Variants in ZNF76 observed in about 807,000 individuals in gnomAD.
ZNF76 encodes zinc finger protein 76, also known as zinc finger protein 523.
In ZNF76, 66 loss-of-function variants were observed where a neutral mutation model predicts 66.9. The ratio of observed to expected loss-of-function variants is 0.99; its 90% CI spans 0.81 to 1.21. The LOEUF (loss-of-function observed/expected upper bound fraction) is 1.21. ZNF76 is among the 50% of genes most tolerant of loss of function. The probability of loss-of-function intolerance (pLI) is 0.00; values close to 1 mark genes in which losing one functional copy is unlikely to be tolerated. For synonymous variants in ZNF76, 275 were observed against 296.1 expected (o/e 0.93, Z 0.73); for missense variants, 729 against 760.3 (o/e 0.96, Z 0.48).
chr6:35,277,684 A>G (rs531128746), intron 1 of ZNF76, among the ~76,000 whole-genome samples: 2 of 152,346 alleles, frequency 1.3e-5, no homozygotes, highest in South Asian at 4.1e-4. Flanking sequence ...CATTCCTAGC[A>G]CGTGGTTAAC....
chr6:35,294,708 C>A, intron 13 of ZNF76, 139 bp downstream of exon 13: 2 of 716,960 alleles, frequency 2.8e-6, no homozygotes, highest in Non-Finnish European at 5.0e-6. Context: ...TCCCTTTCCT[C>A]CTGCATCCAT....
At chr6:35,260,785 A>G (rs967491604) in intron 1 of ZNF76, among the ~76,000 whole-genome samples, 10 of 152,148 alleles carry the variant, frequency 6.6e-5, no homozygotes, top group African/African-American at 2.4e-4. Context: ...CGTCTGTGAA[A>G]TTGTGAAATT....
At chr6:35,282,430 G>A (rs1001584839) in intron 2 of ZNF76, among the ~76,000 whole-genome samples, 1 of 151,848 alleles carries the variant, frequency 6.6e-6, no homozygotes, top group Non-Finnish European at 1.5e-5. Flanking sequence ...TATTTTATCT[G>A]GCAATTCTAT....
At position 35,286,340 on chromosome 6, in the gene ZNF76, A is replaced by G; in HGVS notation, c.173A>G (p.Asp58Gly). 1 of 1,614,200 alleles carries G rather than the reference A, an allele frequency of 6.2e-7. No homozygotes were observed. The highest frequency in any genetic ancestry group is 8.5e-7 in the Non-Finnish European group (1 of 1,180,026). ...GTTACAGAAGCTCTCTCCTTTGAGG[A>G]TGGTCAGCCTGTGCAGCTGGAAGAT... ...TVQKEALSFE[D>G]GQPVQLEDGS... The change falls in exon 4 of 14, where the codon GAT becomes GGT. Residue 58 changes from aspartate (D) to glycine (G), a missense_variant. Asp to Gly is a moderately conservative substitution (Grantham distance 94). Transcript: ENST00000373953.
At chr6:35,261,081 T>C (rs1785179908) in intron 1 of ZNF76, among the ~76,000 whole-genome samples, 1 of 152,198 alleles carries the variant, frequency 6.6e-6, no homozygotes, top group South Asian at 2.1e-4. Context: ...TATGGGACTT[T>C]TGGTATATTA....
chr6:35,261,700 C>T (rs1785280237), intron 1 of ZNF76, among the ~76,000 whole-genome samples: 1 of 152,176 alleles, frequency 6.6e-6, no homozygotes, highest in Non-Finnish European at 1.5e-5. Flanking sequence ...AATACAACAT[C>T]AGCTCGTTCC....
chr6:35,290,126 G>A (rs530697534), intron 5 of ZNF76, 140 bp from the exon 6 acceptor site: 39 of 1,114,812 alleles, frequency 3.5e-5, no homozygotes, highest in African/African-American at 2.8e-4. Flanking sequence ...TTCCTTGTCC[G>A]TCTAGTTATG....
Position 35,292,486 on chromosome 6 carries a change from C to T in ZNF76, c.932-68C>T. 2 of 1,553,308 alleles carry T rather than the reference C, an allele frequency of 1.3e-6. No individual in the cohort carries two copies. Among genetic ancestry groups the T allele is most frequent in the Non-Finnish European group, 1.8e-6 (2 of 1,133,962 alleles). On this transcript the variant is annotated intron_variant, in intron 9 of 13. Transcript: ENST00000373953. This position sits in a 1 kb window ranked among gnomAD's most constrained non-coding sequence, Gnocchi z 4.7. ...CTCCCTTCACCAACCCTGTCCCTCA[C>T]CCCTGTCCCCTTAGTTTCCCCCTTG...
chr6:35,287,926 A>G lies in ZNF76; in HGVS notation c.432+81A>G. ...CGCACTGCCTCTTGGCCCTGCCAGAACTTCACCTCTCAAGAGGACAAGGGC... is the reference window on the plus strand; with the variant it reads ...CGCACTGCCTCTTGGCCCTGCCAGAGCTTCACCTCTCAAGAGGACAAGGGC... On this transcript the variant is annotated intron_variant, in intron 5 of 13. Coordinates refer to ENST00000373953, the MANE Select transcript of ZNF76 (RefSeq NM_003427.5). The surrounding 1 kb of genome is among the most constrained non-coding windows in gnomAD (Gnocchi z 4.0). The G allele has an allele frequency of 6.8e-7, 1 of 1,468,812 alleles. No homozygotes were observed. Among genetic ancestry groups the G allele is most frequent in the Non-Finnish European group, 9.3e-7 (1 of 1,079,978 alleles). The allele number at this position is 1,468,812 out of a possible 1,614,324, so 91.0% of individuals were successfully genotyped here. A position where few individuals can be genotyped will look rare whatever the true frequency, so the allele number is the denominator to read the frequency against.
chr6:35,280,946 A>C (rs1044987267), intron 1 of ZNF76, 110 bp from the exon 2 acceptor site: 2 of 590,846 alleles, frequency 3.4e-6, no homozygotes, highest in Non-Finnish European at 6.1e-6. Flanking sequence ...ACTTTGAAGA[A>C]TTCATCTTTT....
chr6:35,278,422 T>C (rs1048299897), intron 1 of ZNF76, among the ~76,000 whole-genome samples: 7 of 152,360 alleles, frequency 4.6e-5, no homozygotes, highest in Middle Eastern at 3.4e-3. Context: ...TGCCAAGATA[T>C]TGATCCGCTC....
intron 5 of ZNF76, among the ~76,000 whole-genome samples, chr6:35,289,535 G>A (rs1790074471): frequency 6.6e-6 from 1 of 152,166 alleles, no homozygotes; most frequent in African/African-American, 2.4e-5. Context: ...AAGACTAAGG[G>A]ATAGTCCCAC....
intron 1 of ZNF76, among the ~76,000 whole-genome samples, chr6:35,263,711 C>T (rs1219972263): frequency 6.6e-6 from 1 of 152,182 alleles, no homozygotes; most frequent in Non-Finnish European, 1.5e-5. Context: ...CTTTTCTCAA[C>T]CCCACTCTGT....
At chr6:35,293,672 G>A (rs762873463) in intron 11 of ZNF76, 79 bp from the exon 12 acceptor site, 1 of 1,503,136 alleles carries the variant, frequency 6.7e-7, no homozygotes, top group Non-Finnish European at 9.1e-7. Context: ...TTGTCTGGGA[G>A]AGCAGGTATA....
chr6:35,264,815 G>A (rs1181574665), intron 1 of ZNF76, among the ~76,000 whole-genome samples: 1 of 152,104 alleles, frequency 6.6e-6, no homozygotes, highest in Non-Finnish European at 1.5e-5. Flanking sequence ...CCTGGGAATT[G>A]TAACATCCTG....
chr6:35,291,046 A>G, intron 7 of ZNF76: 1 of 605,514 alleles, frequency 1.7e-6, no homozygotes, highest in Non-Finnish European at 2.9e-6. Context: ...TTTAGCCATG[A>G]GTTCTCTAAG....
In ZNF76 at chr6:35,292,560, A is replaced by T. The variant is rs770122684; in HGVS notation, c.938A>T (p.Lys313Met). The change falls in exon 10 of 14, where the codon AAG (lysine) becomes ATG (methionine). Residue 313 changes from lysine (K) to methionine (M), a missense_variant. By Grantham distance (95) the Lys-to-Met change is moderately conservative. Coordinates refer to ENST00000373953, the MANE Select transcript of ZNF76 (RefSeq NM_003427.5). The surrounding 1 kb of genome is among the most constrained non-coding windows in gnomAD (Gnocchi z 4.7). ...KNHVRIHTGE[K>M]PYVCTVPGCG... ...CACAGCCCAGTGTCCCCAGGGGAGA[A>T]GCCATACGTTTGCACGGTGCCAGGC... 1.4e-5 allele frequency: 22 copies of T among 1,613,338 alleles called. No homozygotes were observed. Among genetic ancestry groups the T allele is most frequent in the East Asian group, 2.2e-5 (1 of 44,866 alleles).
rs565017847 is a variant in ZNF76 at position 35,286,878 on chromosome 6, A to T, written c.232+479A>T. The T allele has an allele frequency of 1.6e-5, 3 of 189,948 alleles. No homozygotes were observed. The South Asian group carries it at 3.2e-4, about 20-fold the overall frequency. The allele number at this position is 189,948 out of a possible 1,614,324, so 11.8% of individuals were successfully genotyped here. A position where few individuals can be genotyped will look rare whatever the true frequency, so the allele number is the denominator to read the frequency against. On this transcript the variant is annotated intron_variant, in intron 4 of 13. Coordinates refer to ENST00000373953, the MANE Select transcript of ZNF76 (RefSeq NM_003427.5). ...TCAGACACAGTCCCCGCTCTCCTAG[A>T]GTCTAGAGGGGGAAACAGAAGTGAA... is the stretch of plus-strand genomic sequence containing the variant.
At chr6:35,286,047 A>G in intron 2 of ZNF76, 81 bp from the exon 3 acceptor site, 1 of 1,320,054 alleles carries the variant, frequency 7.6e-7, no homozygotes, top group Non-Finnish European at 1.1e-6. Flanking sequence ...AGACTCAAAT[A>G]AGCCTCAGCT....
Sources: gnomAD v4.1 joint callset for allele counts (sites outside exome capture counted in the v4.1 genomes callset) on GRCh38, gnomAD v4.1.1 for gene constraint, Gnocchi (gnomAD v3.1) non-coding constraint, MANE v1.5 for transcripts, NCBI Gene and HGNC (gene_info 2026-07-23, HGNC 2026-07-21) for gene names.